Variants in RASEF observed in about 807,000 individuals in gnomAD.
RASEF encodes RAS and EF-hand domain containing.
A neutral mutation model predicts 90.1 loss-of-function variants in RASEF; 68 were observed. The observed-to-expected ratio is 0.75, with a 90% CI of 0.62 to 0.92. The LOEUF is 0.92. Among genes scored for constraint, RASEF ranks in the 40% least tolerant of loss-of-function variants. RASEF has a pLI of 0.00. For missense variants in RASEF, 949 were observed against 937.2 expected, an observed-to-expected ratio of 1.01 and a Z score of -0.16; for synonymous variants, 331 against 345.2, an observed-to-expected ratio of 0.96 and a Z score of 0.46.
At chr9:83,114,617 C>A in the RASEF span, among the ~76,000 whole-genome samples, 1 of 152,162 alleles carries the variant, frequency 6.6e-6, no homozygotes, top group Non-Finnish European at 1.5e-5. Context: ...AGAATGCATC[C>A]CTGAGGGTAG....
chr9:83,089,945 GATATAGATAT>G, the RASEF span, among the ~76,000 whole-genome samples: 85 of 138,888 alleles, frequency 6.1e-4, no homozygotes, highest in Middle Eastern at 3.6e-3. Context: ...TAGATAGATA[GATATAGATAT>G]ATAGATATAG....
chr9:83,009,571 G>A, intron 6 of RASEF, 70 bp downstream of exon 6: 2 of 822,522 alleles, frequency 2.4e-6, no homozygotes, highest in South Asian at 1.7e-5. Context: ...TTCCATAGCT[G>A]AGCTTCTTTT....
At chr9:83,144,413 A>AAAGAAAGAAAGAAAGAAAGAAAGAAAGC in the RASEF span, among the ~76,000 whole-genome samples, 1 of 146,724 alleles carries the variant, frequency 6.8e-6, no homozygotes, top group Non-Finnish European at 1.5e-5. Flanking sequence ...AGAAAGAAAG[A>AAAGAAAGAAAGAAAGAAAGAAAGAAAGC]AAGAAAAGAA....
At chr9:83,029,646 G>C (rs1170734276) in intron 1 of RASEF, among the ~76,000 whole-genome samples, 1 of 150,722 alleles carries the variant, frequency 6.6e-6, no homozygotes, top group Non-Finnish European at 1.5e-5. Flanking sequence ...CCTGACCTCA[G>C]GTGATCCACC....
At chr9:82,989,950 C>T (rs922621667) in intron 16 of RASEF, among the ~76,000 whole-genome samples, 1 of 152,136 alleles carries the variant, frequency 6.6e-6, no homozygotes, top group Non-Finnish European at 1.5e-5. Context: ...AACACTATTG[C>T]CTTAGCTTAA....
chr9:82,990,392 G>C lies in RASEF; in HGVS notation c.2116C>G (p.Arg706Gly), dbSNP rs189903199. ...TACATCCATTTTCCCAAACTTTACCGAGCAAGGTGCAGAACAGCCTCCACT... is the reference window on the plus strand; with the variant it reads ...TACATCCATTTTCCCAAACTTTACCCAGCAAGGTGCAGAACAGCCTCCACT... ...NIVEAVLHLA[R>G]EVKKRTDKDD... is the part of the protein sequence containing the mutation. The change falls in exon 16 of 17, where the codon CGA (arginine) becomes GGA (glycine). Residue 706 changes from arginine (R) to glycine (G), a missense_variant and splice_region_variant. Physicochemically the swap from Arg to Gly is moderately radical, Grantham distance 125. Around this residue, in one of 3 missense-constraint regions of RASEF, gnomAD observed 288 missense variants for 328.4 expected, o/e 0.88. Coordinates refer to ENST00000376447, the MANE Select transcript of RASEF (RefSeq NM_152573.4). 6.2e-7 allele frequency: 1 copy of C among 1,611,414 alleles called. No individual in the cohort carries two copies.
In RASEF at chr9:83,025,670, C is replaced by T; in HGVS notation, c.578+105G>A. On this transcript the variant is annotated intron_variant, in intron 2 of 16. Coordinates refer to ENST00000376447, the MANE Select transcript of RASEF (RefSeq NM_152573.4). ...TCTAGACTCCTCAGGCTCAGGAAGT[C>T]CACCTATATCATAGTGTGACAATGC... 6.1e-6 allele frequency: 7 copies of T among 1,150,042 alleles called. No individual in the cohort carries two copies. The South Asian group carries it at 1.1e-4, about 18-fold the overall frequency. 71.2% of individuals were successfully genotyped at this position (1,150,042 alleles called of 1,614,324 possible). A position where few individuals can be genotyped will look rare whatever the true frequency, so the allele number is the denominator to read the frequency against.
the RASEF span, among the ~76,000 whole-genome samples, chr9:83,165,175 C>G: frequency 6.6e-6 from 1 of 152,042 alleles, no homozygotes; most frequent in African/African-American, 2.4e-5. Context: ...CATTTGTTAA[C>G]TACTTCACTT....
chr9:83,213,442 A>G, the RASEF span, among the ~76,000 whole-genome samples: 1 of 152,102 alleles, frequency 6.6e-6, no homozygotes, highest in South Asian at 2.1e-4. Flanking sequence ...AAACAAAATA[A>G]CACTACATAT....
chr9:83,048,754 T>C lies in RASEF; in HGVS notation c.431+13683A>G, dbSNP rs547232945. 6 of 983,834 alleles carry C rather than the reference T, an allele frequency of 6.1e-6. 1 individual carries two copies. Among genetic ancestry groups the C allele is most frequent in the East Asian group, 1.1e-4 (1 of 8,798 alleles). The allele number at this position is 983,834 out of a possible 1,614,324, so 60.9% of individuals were successfully genotyped here. A position where few individuals can be genotyped will look rare whatever the true frequency, so the allele number is the denominator to read the frequency against. ...ACATTGAGAAATGAAACACTTATGT[T>C]TTCCGTCCTATATAGTTCTTGAGGA... On this transcript the variant is annotated intron_variant, in intron 1 of 16. Coordinates refer to ENST00000376447, the MANE Select transcript of RASEF (RefSeq NM_152573.4).
At chr9:83,209,870 T>C in the RASEF span, among the ~76,000 whole-genome samples, 1 of 152,186 alleles carries the variant, frequency 6.6e-6, no homozygotes, top group Non-Finnish European at 1.5e-5. Context: ...TGTTTAGTGT[T>C]CTCAGGCTGC....
rs1337464275 is a variant in RASEF at position 83,029,750 on chromosome 9, G to A, written c.432-3829C>T. On this transcript the variant is annotated intron_variant, in intron 1 of 16. Transcript: ENST00000376447. Reference sequence around the variant, plus strand: ...ATAAACAAACTGCTTGATCTGTACAGAGGCCAATCATGATTCAAAAGAATT... The same window carrying A: ...ATAAACAAACTGCTTGATCTGTACAAAGGCCAATCATGATTCAAAAGAATT... Among the ~76,000 whole-genome samples, 10 of 152,014 alleles carry A rather than the reference G, an allele frequency of 6.6e-5. 1 individual carries two copies. The highest frequency in any genetic ancestry group is 1.3e-4 in the Non-Finnish European group (9 of 68,020).
intron 1 of RASEF, among the ~76,000 whole-genome samples, chr9:83,041,099 G>A (rs1829832098): frequency 6.6e-6 from 1 of 152,218 alleles, no homozygotes; most frequent in Non-Finnish European, 1.5e-5. Context: ...GACCTCAGGT[G>A]ATCCACCCGC....
chr9:83,092,646 G>C, the RASEF span, among the ~76,000 whole-genome samples: 1 of 152,162 alleles, frequency 6.6e-6, no homozygotes, highest in Non-Finnish European at 1.5e-5. Flanking sequence ...AAGAGCGAAA[G>C]AACAAAGCTT....
the RASEF span, among the ~76,000 whole-genome samples, chr9:83,166,173 G>T: frequency 6.6e-6 from 1 of 152,114 alleles, no homozygotes; most frequent in African/African-American, 2.4e-5. Flanking sequence ...GGCCAGCATT[G>T]TCCTAATAAC....
At chr9:83,204,326 T>C in the RASEF span, among the ~76,000 whole-genome samples, 5,577 of 152,078 alleles carry the variant, frequency 0.037, 593 homozygotes, top group East Asian at 0.42. Flanking sequence ...TTTGCAAAGT[T>C]TGGAGTCCTG....
At chr9:82,992,090 G>A (rs1013762875) in intron 15 of RASEF, among the ~76,000 whole-genome samples, 7 of 152,204 alleles carry the variant, frequency 4.6e-5, no homozygotes, top group Non-Finnish European at 1.0e-4. Context: ...AAACAAGAAC[G>A]ATTATTCCAG....
In RASEF at chr9:82,982,706, G is replaced by A. The variant is rs774307482; in HGVS notation, c.2194C>T (p.Pro732Ser). 10 of 1,605,732 alleles carry A rather than the reference G, an allele frequency of 6.2e-6. No homozygotes were observed. The highest frequency in any genetic ancestry group is 1.3e-5 in the African/African-American group (1 of 74,748). ...CCATTGCAACAATTCTTCATCTGTG[G>A]TGACTTTTTGGAATTGGTCCCGGTT... ...NLTGTNSKKS[P>S]QMKNCCNG is the part of the protein sequence containing the mutation. Residue 732 changes from proline (P) to serine (S), a missense_variant, in exon 17 of 17, where the codon CCA becomes TCA. Pro to Ser is a moderately conservative substitution (Grantham distance 74, BLOSUM62 -1). Transcript: ENST00000376447.
intron 7 of RASEF, among the ~76,000 whole-genome samples, 190 bp from the exon 8 acceptor site, chr9:83,005,690 G>A (rs892544666): frequency 3.3e-5 from 5 of 152,162 alleles, no homozygotes; most frequent in African/African-American, 1.2e-4. Context: ...GAACTAAATT[G>A]ATTACTCCTC....
Sources: allele counts gnomAD v4.1 joint callset (sites outside exome capture counted in the v4.1 genomes callset), GRCh38; gene constraint gnomAD v4.1.1; regional missense constraint gnomAD v4.1.1; transcripts MANE v1.5; gene names NCBI Gene and HGNC (gene_info 2026-07-23, HGNC 2026-07-21).